The following TMEM204 variants were observed in gnomAD, a reference collection of about 807,000 sequenced individuals.
TMEM204 encodes the protein transmembrane protein 204, also known as claudin-like protein 24.
A neutral mutation model predicts 19.4 loss-of-function variants in TMEM204; 15 were observed. That is an observed-to-expected ratio of 0.77 (90% CI 0.52 to 1.19). The LOEUF is 1.19. TMEM204 is among the 50% of genes most tolerant of loss of function. The pLI, the probability that TMEM204 is intolerant of heterozygous loss-of-function variation, is 0.00. For missense variants in TMEM204, 287 were observed against 321.2 expected (o/e 0.89, Z 0.81); for synonymous variants, 161 against 146.0 (o/e 1.10, Z -0.74).
At chr16:1,550,392 G>A (rs1287869783) in intron 2 of TMEM204, among the ~76,000 whole-genome samples, 1 of 152,218 alleles carries the variant, frequency 6.6e-6, no homozygotes, top group Non-Finnish European at 1.5e-5. Flanking sequence ...TCTAAACGAC[G>A]CATTTTCAAA....
At chr16:1,552,794 C>A (rs1277473145) in intron 2 of TMEM204, 2 of 173,444 alleles carry the variant, frequency 1.2e-5, no homozygotes, top group Admixed American at 6.6e-5. Flanking sequence ...ATTACAGGTG[C>A]CTGCCACCAC....
chr16:1,548,269 C>G (rs535511182), intron 2 of TMEM204, among the ~76,000 whole-genome samples: 2 of 152,214 alleles, frequency 1.3e-5, no homozygotes, highest in African/African-American at 4.8e-5. Flanking sequence ...TGCAGCTGTA[C>G]GAAGAGCATC....
intron 2 of TMEM204, among the ~76,000 whole-genome samples, chr16:1,552,120 C>T (rs991722966): frequency 6.6e-6 from 1 of 152,136 alleles, no homozygotes; most frequent in Non-Finnish European, 1.5e-5. Context: ...GAACTAGAGG[C>T]CCCCTGAGAT....
At chr16:1,554,198 A>G in intron 2 of TMEM204, 1 of 1,151,930 alleles carries the variant, frequency 8.7e-7, no homozygotes, top group Non-Finnish European at 1.1e-6. Context: ...TGAGCTGCAG[A>G]CTCCAGGCCA....
intron 2 of TMEM204, among the ~76,000 whole-genome samples, chr16:1,542,427 C>T (rs1464978175): frequency 6.6e-6 from 1 of 152,242 alleles, no homozygotes; most frequent in Admixed American, 6.5e-5. Context: ...AGCCTGGGTC[C>T]TGCCCCTTCC....
chr16:1,552,020 C>A (rs182659874), intron 2 of TMEM204, among the ~76,000 whole-genome samples: 1 of 152,286 alleles, frequency 6.6e-6, no homozygotes, highest in African/African-American at 2.4e-5. Context: ...CTGACCCCCA[C>A]GGCAACCGCA....
intron 2 of TMEM204, among the ~76,000 whole-genome samples, chr16:1,546,295 G>A (rs931178120): frequency 1.3e-5 from 2 of 152,226 alleles, no homozygotes; most frequent in African/African-American, 2.4e-5. Context: ...AGGCTCCCTG[G>A]CACTCTCCGG....
chr16:1,530,695 C>T (rs907157326), upstream of TMEM204: 2 of 151,012 alleles, frequency 1.3e-5, no homozygotes, highest in African/African-American at 4.9e-5. Flanking sequence ...GCGGAGGCCA[C>T]CCGTGGGGAG....
Position 1,555,097 on chromosome 16 carries a change from C to T in TMEM204, c.*71C>T. On this transcript the variant is annotated 3_prime_UTR_variant, in exon 3 of 3. Coordinates refer to ENST00000566264, the MANE Select transcript of TMEM204 (RefSeq NM_024600.6). ...ACAGCCTAGAAACCAAGGGACTCCA[C>T]CACCAAGTCACTTCCCCTGCTCGTG... is the stretch of plus-strand genomic sequence containing the variant. 1.3e-6 allele frequency: 2 copies of T among 1,529,394 alleles called. No individual in the cohort carries two copies. The highest frequency in any genetic ancestry group is 1.8e-6 in the Non-Finnish European group (2 of 1,140,834). The allele number at this position is 1,529,394 out of a possible 1,614,324, so 94.7% of individuals were successfully genotyped here.
chr16:1,534,506 C>G lies in TMEM204; in HGVS notation c.231C>G (p.Gly77=). ...ACGCACATGACTGTGAGGCGCTGGG[C>G]TGGGGCTCCGAGGCAGCCGGCTTCC... is the stretch of plus-strand genomic sequence containing the variant. ...QVDAHDCEAL[G]WGSEAAGFQE... The change falls in exon 1 of 3, where the codon GGC becomes GGG. Residue 77 remains glycine (G), a synonymous_variant. Transcript: ENST00000566264. The G allele has an allele frequency of 3.1e-6, 5 of 1,608,564 alleles. No individual in the cohort carries two copies.
intron 2 of TMEM204, among the ~76,000 whole-genome samples, chr16:1,549,087 C>T (rs1402236158): frequency 6.6e-6 from 1 of 152,230 alleles, no homozygotes; most frequent in East Asian, 1.9e-4. Flanking sequence ...CACCGCATGC[C>T]TAGGGCCGCG....
chr16:1,529,890 C>T (rs79165857), upstream of TMEM204, among the ~76,000 whole-genome samples: 2,113 of 152,224 alleles, frequency 0.014, 66 homozygotes, highest in African/African-American at 0.049. Flanking sequence ...GAGTGCAGTG[C>T]AGGGGTCACA....
At chr16:1,542,246 T>A (rs1046247795) in intron 2 of TMEM204, among the ~76,000 whole-genome samples, 170 bp downstream of exon 2, 4 of 152,218 alleles carry the variant, frequency 2.6e-5, no homozygotes, top group African/African-American at 9.6e-5. Flanking sequence ...TCCCTCTTGC[T>A]GTAGGCAAGA....
chr16:1,552,173 T>C (rs754072548), intron 2 of TMEM204, among the ~76,000 whole-genome samples: 1 of 152,122 alleles, frequency 6.6e-6, no homozygotes, highest in Non-Finnish European at 1.5e-5. Flanking sequence ...AAAGGAAGCC[T>C]GGTGAGGGGG....
rs1482201774 is a variant in TMEM204 at position 1,534,452 on chromosome 16, G to A, written c.177G>A (p.Pro59=). The A allele has an allele frequency of 8.7e-6, 14 of 1,611,340 alleles. No homozygotes were observed. The highest frequency in any genetic ancestry group is 5.5e-5 in the South Asian group (5 of 91,052). Residue 59 remains proline, a synonymous_variant, in exon 1 of 3, where the codon CCG becomes CCA. Transcript: ENST00000566264. ...TGGTGGACAGGACCCGGGGAGGGCC[G>A]AGCCCTGGGGCCAGAGCCGGCCAGG... ...CWLVDRTRGG[P]SPGARAGQVD...
In TMEM204 at chr16:1,534,472, G is replaced by C. The variant is rs745773861; in HGVS notation, c.197G>C (p.Gly66Ala). The C allele has an allele frequency of 8.7e-6, 14 of 1,610,742 alleles. No homozygotes were observed. In the South Asian group the frequency reaches 1.4e-4, roughly 16 times the overall value. Residue 66 changes from glycine (G) to alanine (A), a missense_variant, in exon 1 of 3, where the codon GGC becomes GCC. Transcript: ENST00000566264. Reference protein sequence around the residue: ...RGGPSPGARAGQVDAHDCEAL... With the variant: ...RGGPSPGARAAQVDAHDCEAL... ...GGGCCGAGCCCTGGGGCCAGAGCCG[G>C]CCAGGTGGACGCACATGACTGTGAG...
intron 2 of TMEM204, among the ~76,000 whole-genome samples, chr16:1,548,035 C>T (rs1441774848): frequency 6.6e-6 from 1 of 152,180 alleles, no homozygotes; most frequent in South Asian, 2.1e-4. Flanking sequence ...CAGTTTATGT[C>T]CCTTCGTCTC....
Position 1,553,264 on chromosome 16 carries a change from C to T in TMEM204, c.437-1518C>T. Reference sequence around the variant, plus strand: ...TCTGTCTCTGTCTCTCTGTATCTCTCTTGGTCTCTGTCTCTCTGTGTCTCT... The same window carrying T: ...TCTGTCTCTGTCTCTCTGTATCTCTTTTGGTCTCTGTCTCTCTGTGTCTCT... On this transcript the variant is annotated intron_variant, in intron 2 of 2. Coordinates refer to ENST00000566264, the MANE Select transcript of TMEM204 (RefSeq NM_024600.6). This position sits in a 1 kb window ranked among gnomAD's most constrained non-coding sequence, Gnocchi z 4.4. The T allele has an allele frequency of 1.0e-6, 1 of 978,756 alleles. No individual in the cohort carries two copies. The highest frequency in any genetic ancestry group is 4.7e-5 in the South Asian group (1 of 21,126). The allele number at this position is 978,756 out of a possible 1,614,324, so 60.6% of individuals were successfully genotyped here. A position where few individuals can be genotyped will look rare whatever the true frequency, so the allele number is the denominator to read the frequency against.
Position 1,553,759 on chromosome 16 carries a change from C to T in TMEM204, c.437-1023C>T. The T allele has an allele frequency of 8.5e-7, 1 of 1,170,998 alleles. No individual in the cohort carries two copies. The highest frequency in any genetic ancestry group is 1.1e-6 in the Non-Finnish European group (1 of 932,228). 72.5% of individuals were successfully genotyped at this position (1,170,998 alleles called of 1,614,324 possible). A position where few individuals can be genotyped will look rare whatever the true frequency, so the allele number is the denominator to read the frequency against. ...CATGGCTGTAGGGGATGAGGAGGGG[C>T]AGGGCCATGTGGACAGCCTCTCCTC... On this transcript the variant is annotated intron_variant, in intron 2 of 2. Transcript: ENST00000566264. The surrounding 1 kb of genome is among the most constrained non-coding windows in gnomAD (Gnocchi z 4.4).
Sources: gnomAD v4.1 joint callset for allele counts (sites outside exome capture counted in the v4.1 genomes callset) on GRCh38, gnomAD v4.1.1 for gene constraint, Gnocchi (gnomAD v3.1) non-coding constraint, MANE v1.5 for transcripts, NCBI Gene and HGNC (gene_info 2026-07-23, HGNC 2026-07-21) for gene names.